Variants in POLR3E observed in about 807,000 individuals in gnomAD.
POLR3E encodes the protein RNA polymerase III subunit E.
POLR3E carries 41 observed loss-of-function variants against 96.6 expected under a neutral mutation model. The ratio of observed to expected loss-of-function variants is 0.42; its 90% CI spans 0.33 to 0.55. POLR3E has a LOEUF of 0.55. Among genes scored for constraint, POLR3E ranks in the 20% least tolerant of loss-of-function variants. The probability of loss-of-function intolerance (pLI) is 0.06; values close to 1 mark genes in which losing one functional copy is unlikely to be tolerated. For missense variants in POLR3E, 849 were observed against 952.1 expected (o/e 0.89, Z 1.43); for synonymous variants, 396 against 383.6 (o/e 1.03, Z -0.38).
At chr16:22,333,466 AAC>A (rs1441983404) in intron 20 of POLR3E, among the ~76,000 whole-genome samples, 176 bp from the exon 21 acceptor site, 3 of 151,618 alleles carry the variant, frequency 2.0e-5, no homozygotes, top group Non-Finnish European at 4.4e-5. Flanking sequence ...AAAAAAAAAA[AAC>A]ACTACCCCTG....
rs553912463 is a variant in POLR3E at position 22,322,378 on chromosome 16, C to T, written c.987-472C>T. Among the ~76,000 whole-genome samples, 4 of 152,280 alleles carry T rather than the reference C, an allele frequency of 2.6e-5. No homozygotes were observed. The East Asian group carries it at 5.8e-4, about 22-fold the overall frequency. Reference sequence around the variant, plus strand: ...CCTTGAGTGCTGAGCCTGTTCTCTCCGAGGGCTAACATGCCTCCCCTGCCT... The same window carrying T: ...CCTTGAGTGCTGAGCCTGTTCTCTCTGAGGGCTAACATGCCTCCCCTGCCT... On this transcript the variant is annotated intron_variant, in intron 13 of 20. Transcript: ENST00000299853. The surrounding 1 kb of genome is among the most constrained non-coding windows in gnomAD (Gnocchi z 5.2).
chr16:22,298,351 G>A (rs986751988), intron 1 of POLR3E, among the ~76,000 whole-genome samples: 1 of 152,184 alleles, frequency 6.6e-6, no homozygotes, highest in Non-Finnish European at 1.5e-5. Context: ...GTGGCTTAGC[G>A]TCATTACCCG....
At chr16:22,330,157 G>T (rs2048706761) in intron 19 of POLR3E, among the ~76,000 whole-genome samples, 1 of 151,238 alleles carries the variant, frequency 6.6e-6, no homozygotes, top group Non-Finnish European at 1.5e-5. Context: ...CACGCCTCTT[G>T]CGTTCAAGCG....
intron 9 of POLR3E, 29 bp downstream of exon 9, chr16:22,315,237 G>A (rs749482488): frequency 6.4e-7 from 1 of 1,559,736 alleles, no homozygotes; most frequent in Non-Finnish European, 8.7e-7. Context: ...GGTCCTGGGG[G>A]AAACACCTCG....
At position 22,308,946 on chromosome 16, in the gene POLR3E, G is replaced by A. The variant is rs1430389859; in HGVS notation, c.187G>A (p.Asp63Asn). The change falls in exon 5 of 21, where the codon GAC (aspartate) becomes AAC (asparagine). Residue 63 changes from aspartate (D) to asparagine (N), a missense_variant. Asp to Asn is a conservative substitution (Grantham distance 23). Transcript: ENST00000299853. ...CCAGGTAGAGCTTGAGATGGCCATCGACACCCTGAACCCCAACTATTGCCG... is the reference window on the plus strand; with the variant it reads ...CCAGGTAGAGCTTGAGATGGCCATCAACACCCTGAACCCCAACTATTGCCG... ...QQKVELEMAI[D>N]TLNPNYCRSK... The A allele has an allele frequency of 4.6e-5, 74 of 1,613,588 alleles. No homozygotes were observed. The highest frequency in any genetic ancestry group is 5.6e-5 in the Non-Finnish European group (66 of 1,179,722).
In POLR3E at chr16:22,326,218, C is replaced by T. The variant is rs2048589283; in HGVS notation, c.1806C>T (p.Ile602=). Residue 602 remains isoleucine (I), a synonymous_variant, in exon 18 of 21, where the codon ATC becomes ATT. Transcript: ENST00000299853. ...LPPGHTLFSG[I]SDRMLQDTVL... Reference sequence around the variant, plus strand: ...CCGGCCACACACTCTTCAGCGGCATCTCGGACCGCATGCTACAGGACACGG... The same window carrying T: ...CCGGCCACACACTCTTCAGCGGCATTTCGGACCGCATGCTACAGGACACGG... 3 of 1,613,448 alleles carry T rather than the reference C, an allele frequency of 1.9e-6. No homozygotes were observed. The highest frequency in any genetic ancestry group is 1.7e-5 in the Admixed American group (1 of 59,952).
intron 18 of POLR3E, chr16:22,326,776 A>G: frequency 5.6e-6 from 1 of 179,652 alleles, no homozygotes. Context: ...TGGAGTTTTG[A>G]ATCCTTTCTG....
chr16:22,309,492 G>A lies in POLR3E; in HGVS notation c.346G>A (p.Ala116Thr), dbSNP rs376659970. The change falls in exon 6 of 21, where the codon GCT (alanine) becomes ACT (threonine). Residue 116 changes from alanine (A) to threonine (T), a missense_variant. Coordinates refer to ENST00000299853, the MANE Select transcript of POLR3E (RefSeq NM_018119.4). ...QTTSNTSRYA[A>T]ALYRQGELHL... Reference sequence around the variant, plus strand: ...CACCAGTAACACATCCCGTTATGCCGCTGCACTCTACAGGCAAGGTACCCG... The same window carrying A: ...CACCAGTAACACATCCCGTTATGCCACTGCACTCTACAGGCAAGGTACCCG... 1.3e-5 allele frequency: 21 copies of A among 1,613,188 alleles called. No individual in the cohort carries two copies. Among genetic ancestry groups the A allele is most frequent in the African/African-American group, 1.3e-5 (1 of 74,900 alleles).
chr16:22,323,505 C>T (rs746507083), intron 14 of POLR3E, among the ~76,000 whole-genome samples: 4 of 152,142 alleles, frequency 2.6e-5, no homozygotes, highest in African/African-American at 9.7e-5. Context: ...CTGGCTGAAA[C>T]GTGCTGCCCA....
intron 5 of POLR3E, 95 bp from the exon 6 acceptor site, chr16:22,309,333 C>T (rs1330602125): frequency 1.0e-6 from 1 of 985,914 alleles, no homozygotes; most frequent in African/African-American, 1.6e-5. Flanking sequence ...GGCTGTGGCA[C>T]TTCAGAAAGT....
chr16:22,333,814 C>T lies in POLR3E; in HGVS notation c.*114C>T, dbSNP rs1370816676. ...ACAGAGCAAGAGGAACTGACCATCT[C>T]ATGACCTGTGGCATTGCACGGTGCA... On this transcript the variant is annotated 3_prime_UTR_variant, in exon 21 of 21. Transcript: ENST00000299853. 2.7e-6 allele frequency: 2 copies of T among 748,244 alleles called. No individual in the cohort carries two copies. The highest frequency in any genetic ancestry group is 4.8e-6 in the Non-Finnish European group (2 of 413,634). The allele number at this position is 748,244 out of a possible 1,614,324, so 46.4% of individuals were successfully genotyped here. A position where few individuals can be genotyped will look rare whatever the true frequency, so the allele number is the denominator to read the frequency against.
intron 17 of POLR3E, 85 bp from the exon 18 acceptor site, chr16:22,325,676 C>T: frequency 4.8e-6 from 7 of 1,450,534 alleles, no homozygotes; most frequent in African/African-American, 2.8e-5. Context: ...GACGGGACCA[C>T]TTGCTGCAGC....
intron 3 of POLR3E, among the ~76,000 whole-genome samples, chr16:22,307,767 G>C (rs1450649964): frequency 2.0e-5 from 3 of 152,122 alleles, no homozygotes; most frequent in African/African-American, 7.2e-5. Context: ...CCTTTTGGTC[G>C]TCCTTCTCTC....
intron 3 of POLR3E, among the ~76,000 whole-genome samples, chr16:22,305,725 G>T (rs2048120389): frequency 6.6e-6 from 1 of 152,106 alleles, no homozygotes; most frequent in South Asian, 2.1e-4. Flanking sequence ...AGCTGCGAGG[G>T]CCCCGGGTTG....
intron 5 of POLR3E, 163 bp from the exon 6 acceptor site, chr16:22,309,265 C>G: frequency 1.4e-6 from 1 of 716,832 alleles, no homozygotes; most frequent in Non-Finnish European, 2.5e-6. Context: ...CATGGGTTTT[C>G]TCATCCCCAG....
intron 2 of POLR3E, 138 bp from the exon 3 acceptor site, chr16:22,305,018 T>C: frequency 1.4e-6 from 1 of 740,414 alleles, no homozygotes; most frequent in South Asian, 1.5e-5. Flanking sequence ...GCTTTTAGCA[T>C]GAGCTGAGCT....
intron 18 of POLR3E, chr16:22,326,576 TGTC>T (rs1307351860): frequency 2.0e-6 from 1 of 494,946 alleles, no homozygotes; most frequent in African/African-American, 1.9e-5. Context: ...TTTCTCACCC[TGTC>T]CCCCACCAAG....
intron 5 of POLR3E, 46 bp downstream of exon 5, chr16:22,309,086 A>AG: frequency 1.5e-6 from 2 of 1,353,110 alleles, no homozygotes; most frequent in Non-Finnish European, 2.1e-6. Flanking sequence ...GCGTTCACAC[A>AG]GGAGCCTCCA....
intron 1 of POLR3E, chr16:22,299,110 G>T (rs1567304457): frequency 6.0e-5 from 27 of 451,830 alleles, no homozygotes; most frequent in Non-Finnish European, 1.0e-4. Context: ...GGAGGCTGGG[G>T]GAGGCTTTTA....
Sources: gnomAD v4.1 joint callset for allele counts (sites outside exome capture counted in the v4.1 genomes callset) on GRCh38, gnomAD v4.1.1 for gene constraint, Gnocchi (gnomAD v3.1) non-coding constraint, MANE v1.5 for transcripts, NCBI Gene and HGNC (gene_info 2026-07-23, HGNC 2026-07-21) for gene names.